Variants in PRKDC observed in about 807,000 individuals in gnomAD.
PRKDC encodes protein kinase, DNA-activated, catalytic subunit.
In PRKDC, 82 loss-of-function variants were observed where a neutral mutation model predicts 486.9. That is an observed-to-expected ratio of 0.17 (90% CI 0.14 to 0.20). The LOEUF (loss-of-function observed/expected upper bound fraction) is 0.20, where lower values mean the gene tolerates loss of function less well. Ranked by LOEUF, PRKDC falls within the 10% of genes least tolerant of loss-of-function variation. The pLI is 1.00. For missense variants in PRKDC, 4,504 were observed against 5,038.2 expected (o/e 0.89, Z 3.21); for synonymous variants, 1,895 against 1,837.0 (o/e 1.03, Z -0.81).
chr8:47,855,543 A>G (rs2088516513), intron 49 of PRKDC, among the ~76,000 whole-genome samples, 170 bp from the exon 50 acceptor site: 1 of 152,214 alleles, frequency 6.6e-6, no homozygotes. Flanking sequence ...ACCTGGCAAG[A>G]GGACCAGGCA....
intron 56 of PRKDC, among the ~76,000 whole-genome samples, chr8:47,837,882 T>C (rs566436994): frequency 1.3e-5 from 2 of 152,252 alleles, no homozygotes; most frequent in South Asian, 4.1e-4. Flanking sequence ...AGGCGTGTAA[T>C]CCCAGCACTT....
intron 39 of PRKDC, among the ~76,000 whole-genome samples, chr8:47,878,295 C>T (rs1050674476): frequency 7.2e-5 from 11 of 151,960 alleles, no homozygotes; most frequent in Admixed American, 2.0e-4. Flanking sequence ...TTAGTAGAGA[C>T]GGGGTTTCAC....
At chr8:47,891,446 C>T (rs192213416) in intron 31 of PRKDC, among the ~76,000 whole-genome samples, 65 of 152,230 alleles carry the variant, frequency 4.3e-4, no homozygotes, top group African/African-American at 1.5e-3. Flanking sequence ...CTCAGCCGGG[C>T]GCGGTGGCTC....
At chr8:47,835,862 G>C (rs992229520) in intron 58 of PRKDC, among the ~76,000 whole-genome samples, 8 of 151,648 alleles carry the variant, frequency 5.3e-5, no homozygotes, top group African/African-American at 1.5e-4. Flanking sequence ...TTCTGGGCTC[G>C]AGCCATTCCC....
At chr8:47,893,077 G>C in intron 31 of PRKDC, 62 bp downstream of exon 31, 1 of 1,470,418 alleles carries the variant, frequency 6.8e-7, no homozygotes, top group African/African-American at 1.4e-5. Context: ...ACCTGGCAGA[G>C]CCACTGCCCA....
At chr8:47,821,543 G>A in intron 65 of PRKDC, 61 bp downstream of exon 65, 1 of 1,486,952 alleles carries the variant, frequency 6.7e-7, no homozygotes, top group Non-Finnish European at 9.2e-7. Flanking sequence ...AAACAATTTT[G>A]TTAAGTAGAA....
In PRKDC at chr8:47,957,437, C is replaced by CA. The variant is rs779456543; in HGVS notation, c.155-7dup. 56 of 1,568,550 alleles carry CA rather than the reference C, an allele frequency of 3.6e-5. No individual in the cohort carries two copies. The highest frequency in any genetic ancestry group is 4.5e-5 in the Non-Finnish European group (52 of 1,155,770). ...AACTAAAGATGTCTGTAATGCTGTT[C>CA]AAAAAAATAAGTAAACAAGTTAAGA... On this transcript the variant is annotated splice_region_variant and splice_polypyrimidine_tract_variant and intron_variant, in intron 1 of 85. Coordinates refer to ENST00000314191, the MANE Select transcript of PRKDC (RefSeq NM_006904.7).
chr8:47,839,193 T>C lies in PRKDC; in HGVS notation c.7508A>G (p.Lys2503Arg), dbSNP rs763452867. 1.2e-6 allele frequency: 2 copies of C among 1,613,930 alleles called. No homozygotes were observed. The highest frequency in any genetic ancestry group is 1.7e-6 in the Non-Finnish European group (2 of 1,179,838). Residue 2503 changes from lysine to arginine, a missense_variant, in exon 56 of 86, where the codon AAA (lysine) becomes AGA (arginine). Transcript: ENST00000314191. The part of the protein sequence containing the change: ...NDSQEIFKLA[K>R]DVLIQGLIDE... ...GATCAATCCTTGAATCAGCACATCT[T>C]TTGCCAACTTAAATATTTCCTGGGA...
Position 47,821,098 on chromosome 8 carries a change from T to A in PRKDC, c.9112-155A>T, listed in dbSNP as rs8178202. Among the ~76,000 whole-genome samples, 438 of 152,328 alleles carry A rather than the reference T, an allele frequency of 2.9e-3. 3 individuals are homozygous for A. The highest frequency in any genetic ancestry group is 0.01 in the African/African-American group (429 of 41,572). ...TGTCTGAAACAGTAAACCTCCAATT[T>A]TTAAAACAAATTCATCTAAAATAGC... On this transcript the variant is annotated intron_variant, in intron 65 of 85. Coordinates refer to ENST00000314191, the MANE Select transcript of PRKDC (RefSeq NM_006904.7).
chr8:47,779,802 C>G (rs2086668046), intron 80 of PRKDC, among the ~76,000 whole-genome samples: 1 of 152,014 alleles, frequency 6.6e-6, no homozygotes. Flanking sequence ...GTTGGCCAGG[C>G]TGGTCTCGAA....
chr8:47,879,412 C>T (rs539336603), intron 39 of PRKDC, 79 bp downstream of exon 39: 6 of 1,300,566 alleles, frequency 4.6e-6, no homozygotes, highest in Admixed American at 5.6e-5. Context: ...GGATATTTTA[C>T]TCACCTCTTT....
intron 68 of PRKDC, among the ~76,000 whole-genome samples, chr8:47,811,382 C>A (rs545055329): frequency 1.3e-5 from 2 of 152,252 alleles, no homozygotes; most frequent in East Asian, 1.9e-4. Context: ...GAGTTCATCA[C>A]AAGTAGACCT....
Position 47,831,912 on chromosome 8 carries a change from T to C in PRKDC, c.8167A>G (p.Thr2723Ala), listed in dbSNP as rs371797273. 3 of 1,612,538 alleles carry C rather than the reference T, an allele frequency of 1.9e-6. No individual in the cohort carries two copies. Among genetic ancestry groups the C allele is most frequent in the African/African-American group, 1.3e-5 (1 of 75,020 alleles). Residue 2723 changes from threonine (T) to alanine (A), a missense_variant, in exon 60 of 86, where the codon ACG becomes GCG. Physicochemically the swap from Thr to Ala is moderately conservative, Grantham distance 58. Around this residue, in one of 6 missense-constraint regions of PRKDC, gnomAD observed 1,592 missense variants for 1,724.6 expected, o/e 0.92. Transcript: ENST00000314191. The part of the protein sequence containing the change: ...DNKVKGAAGR[T>A]DLLRLRRRFM... Reference sequence around the variant, plus strand: ...CGTCTGCGCAGTCGTAGTAGGTCCGTCCGGCCGGCCGCACCTGGAGAGGGA... The same window carrying C: ...CGTCTGCGCAGTCGTAGTAGGTCCGCCCGGCCGGCCGCACCTGGAGAGGGA...
At chr8:47,885,309 G>A (rs999939941) in intron 36 of PRKDC, among the ~76,000 whole-genome samples, 1 of 151,918 alleles carries the variant, frequency 6.6e-6, no homozygotes, top group Non-Finnish European at 1.5e-5. Context: ...ACACCACCAT[G>A]CCTGGCTAAT....
chr8:47,888,503 A>G lies in PRKDC; in HGVS notation c.4413+15T>C, dbSNP rs768782547. 1.2e-5 allele frequency: 18 copies of G among 1,493,042 alleles called. No homozygotes were observed. The South Asian group carries it at 1.3e-4, about 10-fold the overall frequency. The allele number at this position is 1,493,042 out of a possible 1,614,324, so 92.5% of individuals were successfully genotyped here. On this transcript the variant is annotated intron_variant, in intron 34 of 85. Coordinates refer to ENST00000314191, the MANE Select transcript of PRKDC (RefSeq NM_006904.7). Reference sequence around the variant, plus strand: ...TAAAGCTAAAATAAATGTAAAAACAATAAGTTATAGTTACCTGAGACGGTA... The same window carrying G: ...TAAAGCTAAAATAAATGTAAAAACAGTAAGTTATAGTTACCTGAGACGGTA...
chr8:47,900,630 G>A (rs1194343151), intron 27 of PRKDC, among the ~76,000 whole-genome samples, 163 bp from the exon 28 acceptor site: 1 of 152,206 alleles, frequency 6.6e-6, no homozygotes, highest in Non-Finnish European at 1.5e-5. Flanking sequence ...GGGAGGCCGA[G>A]GCAGGTGGAT....
rs16931202 is a variant in PRKDC at position 47,825,121 on chromosome 8, G to C, written c.8784-1125C>G. 5.0e-3 allele frequency among the ~76,000 whole-genome samples: 768 copies of C among 152,268 alleles called. 8 individuals carry two copies. The highest frequency in any genetic ancestry group is 0.017 in the African/African-American group (727 of 41,552). ...CTCATGGCCCCAGAGTCAGGGAAGA[G>C]GGAGAGCTACATTCTGCATAGACTC... On this transcript the variant is annotated intron_variant, in intron 63 of 85. Coordinates refer to ENST00000314191, the MANE Select transcript of PRKDC (RefSeq NM_006904.7).
chr8:47,778,099 C>T (rs1025722895), intron 83 of PRKDC, among the ~76,000 whole-genome samples: 1 of 152,118 alleles, frequency 6.6e-6, no homozygotes, highest in Non-Finnish European at 1.5e-5. Flanking sequence ...GACACAGGGC[C>T]GCAGAGATTG....
At chr8:47,866,896 A>C (rs993808654) in intron 40 of PRKDC, among the ~76,000 whole-genome samples, 1 of 152,154 alleles carries the variant, frequency 6.6e-6, no homozygotes, top group Non-Finnish European at 1.5e-5. Flanking sequence ...CAGCATTATT[A>C]TTATTATTTT....
Sources: gnomAD v4.1 joint callset for allele counts (sites outside exome capture counted in the v4.1 genomes callset) on GRCh38, gnomAD v4.1.1 for gene constraint, gnomAD v4.1.1 regional missense constraint, MANE v1.5 for transcripts, NCBI Gene and HGNC (gene_info 2026-07-23, HGNC 2026-07-21) for gene names.